AFF2: variants seen among roughly 807,000 people sequenced by gnomAD.
The protein encoded by AFF2 is AF4/FMR2 family member 2.
A neutral mutation model predicts 76.9 loss-of-function variants in AFF2; 14 were observed. That is an observed-to-expected ratio of 0.18 (90% confidence interval 0.12 to 0.28). AFF2 has a LOEUF of 0.28. Among genes scored for constraint, AFF2 ranks in the 10% least tolerant of loss-of-function variants. AFF2 has a pLI of 1.00. For synonymous variants in AFF2, 398 were observed against 366.7 expected (o/e 1.09, Z -0.98); for missense variants, 868 against 1,001.1 (o/e 0.87, Z 1.79).
chrX:148,743,357 T>G (rs782747175), intron 3 of AFF2, among the ~76,000 whole-genome samples: 1 of 112,453 alleles, frequency 8.9e-6, no homozygotes, highest in African/African-American at 3.2e-5. Context: ...ATCAAAGTTT[T>G]AATTTAAAAA....
At chrX:148,598,946 GT>G (rs1340748179) in intron 1 of AFF2, among the ~76,000 whole-genome samples, 3 of 112,158 alleles carry the variant, frequency 2.7e-5, no homozygotes, top group Non-Finnish European at 5.6e-5. Context: ...AATAATTATG[GT>G]TTTCTCAAAA....
chrX:148,878,425 G>A (rs781933971), intron 7 of AFF2, among the ~76,000 whole-genome samples: 2 of 111,751 alleles, frequency 1.8e-5, no homozygotes, highest in African/African-American at 6.5e-5. Context: ...GGAGTACTAC[G>A]ATGGCAGTCT....
At position 148,956,005 on chromosome X, in the gene AFF2, A is replaced by C; in HGVS notation, c.1960A>C (p.Thr654Pro). 1 of 1,210,858 alleles carries C rather than the reference A, an allele frequency of 8.3e-7. No individual in the cohort carries two copies. The highest frequency in any genetic ancestry group is 1.7e-5 in the African/African-American group (1 of 57,464). ...GCCCAAACCAAATATTACCAGCAGC[A>C]CTCCCAAAGAAAAAGAAAGTGTGGA... ...TWPKPNITSSTPKEKESVELH... is the reference protein window; with the variant it reads ...TWPKPNITSSPPKEKESVELH... The change falls in exon 11 of 21, where the codon ACT (threonine) becomes CCT (proline). Residue 654 changes from threonine (T) to proline (P), a missense_variant. Transcript: ENST00000370460.
At chrX:148,950,429 A>C (rs2071951976) in intron 9 of AFF2, among the ~76,000 whole-genome samples, 1 of 112,021 alleles carries the variant, frequency 8.9e-6, no homozygotes, top group Admixed American at 9.5e-5. Context: ...CTGGCTCTCC[A>C]TTTCCAACTG....
rs2070579199 is a variant in AFF2 at position 148,839,987 on chromosome X, T to C, written c.1173+2254T>C. Among the ~76,000 whole-genome samples, 4 of 109,524 alleles carry C rather than the reference T, an allele frequency of 3.7e-5. No homozygotes were observed. The Admixed American group carries it at 4.0e-4, about 11-fold the overall frequency. On this transcript the variant is annotated intron_variant, in intron 5 of 20. Coordinates refer to ENST00000370460, the MANE Select transcript of AFF2 (RefSeq NM_002025.4). ...TGGATTTTCTAGGTAAAATAGTTGA[T>C]GATTCTGTAAGCTTACTAAAACAAA...
intron 3 of AFF2, among the ~76,000 whole-genome samples, chrX:148,679,406 G>C (rs1557259756): frequency 1.8e-5 from 2 of 109,827 alleles, no homozygotes; most frequent in Non-Finnish European, 3.8e-5. Flanking sequence ...ACAGTGCCGT[G>C]CTTCCTGTTT....
chrX:148,703,376 G>A (rs1569553682), intron 3 of AFF2, among the ~76,000 whole-genome samples: 1 of 111,989 alleles, frequency 8.9e-6, no homozygotes, highest in East Asian at 2.8e-4. Flanking sequence ...TCCCATTCAT[G>A]AACTGGTAAC....
chrX:148,837,868 G>A (rs1162361435), intron 5 of AFF2, 135 bp downstream of exon 5: 2 of 424,199 alleles, frequency 4.7e-6, no homozygotes, highest in Admixed American at 8.4e-5. Flanking sequence ...CCTCAGAATA[G>A]CAATATAAAA....
chrX:148,834,790 T>A (rs2070500305), intron 4 of AFF2, among the ~76,000 whole-genome samples: 1 of 111,739 alleles, frequency 8.9e-6, no homozygotes. Flanking sequence ...CAATGGAATA[T>A]CTGCTGTGAG....
rs974327978 is a variant in AFF2, at chrX:148,582,833, A to G, written c.48-69166A>G. Among the ~76,000 whole-genome samples, 5 of 112,391 alleles carry G rather than the reference A, an allele frequency of 4.4e-5. No individual in the cohort carries two copies. The East Asian group carries it at 1.1e-3, about 25-fold the overall frequency. ...CTAATCACAATAACCAAAAGGTAAA[A>G]ACATCCCAAATGTCTATCAACTGGT... is the stretch of plus-strand genomic sequence containing the variant. On this transcript the variant is annotated intron_variant, in intron 1 of 20. Transcript: ENST00000370460.
chrX:148,510,382 G>A (rs2052469822), intron 1 of AFF2, among the ~76,000 whole-genome samples: 1 of 111,700 alleles, frequency 9.0e-6, no homozygotes, highest in African/African-American at 3.3e-5. Flanking sequence ...ACTTGCCCAA[G>A]GCCATACTGG....
intron 1 of AFF2, among the ~76,000 whole-genome samples, chrX:148,585,844 AAAAAAAAAAAAAAG>A (rs2053463621): frequency 1.1e-5 from 1 of 94,963 alleles, no homozygotes; most frequent in Admixed American, 1.3e-4. Context: ...GCGTCTCAAA[AAAAAAAAAAAAAAG>A]AAAAAGAAAA....
chrX:148,806,291 G>T, intron 3 of AFF2, among the ~76,000 whole-genome samples: 1 of 112,426 alleles, frequency 8.9e-6, no homozygotes, highest in East Asian at 2.8e-4. Context: ...TGTGCAGAGT[G>T]ACCCTGGTGC....
intron 3 of AFF2, among the ~76,000 whole-genome samples, chrX:148,676,531 G>A (rs241123): frequency 0.17 from 19,270 of 111,353 alleles, 1,256 homozygotes; most frequent in Non-Finnish European, 0.2. Context: ...CTTATCTTAG[G>A]TAGCTTAAGT....
At chrX:148,693,927 C>T (rs2124505269) in intron 3 of AFF2, among the ~76,000 whole-genome samples, 1 of 111,364 alleles carries the variant, frequency 9.0e-6, no homozygotes, top group South Asian at 3.8e-4. Flanking sequence ...CCCAAATGTC[C>T]AACAATGATA....
chrX:148,526,037 A>C (rs1479463791), intron 1 of AFF2, among the ~76,000 whole-genome samples: 2 of 111,637 alleles, frequency 1.8e-5, no homozygotes, highest in Non-Finnish European at 3.8e-5. Context: ...GAGAGCAATC[A>C]TAGTATAATA....
intron 9 of AFF2, among the ~76,000 whole-genome samples, chrX:148,919,949 G>T (rs1411238341): frequency 1.8e-5 from 2 of 111,999 alleles, no homozygotes; most frequent in Admixed American, 1.9e-4. Context: ...ATCAAATTAT[G>T]TTCTTGGATT....
chrX:148,889,378 T>C (rs935853540), intron 8 of AFF2, among the ~76,000 whole-genome samples: 2 of 111,427 alleles, frequency 1.8e-5, no homozygotes, highest in Non-Finnish European at 3.8e-5. Flanking sequence ...TGCTAAATAT[T>C]ATTCCCTCAA....
chrX:148,681,581 TGTGA>T (rs1275970908), intron 3 of AFF2, among the ~76,000 whole-genome samples: 4,080 of 73,097 alleles, frequency 0.056, 273 homozygotes, highest in African/African-American at 0.18. Context: ...TGTGTGTGTG[TGTGA>T]GAGAGAGAGA....
Sources: allele counts gnomAD v4.1 joint callset (sites outside exome capture counted in the v4.1 genomes callset), GRCh38; gene constraint gnomAD v4.1.1; transcripts MANE v1.5; gene names NCBI Gene and HGNC (gene_info 2026-07-23, HGNC 2026-07-21).